TBC1D8B: variants seen among roughly 807,000 people sequenced by gnomAD.
TBC1D8B encodes TBC1 domain family member 8B.
A neutral mutation model predicts 82.9 loss-of-function variants in TBC1D8B; 75 were observed. The ratio of observed to expected loss-of-function variants is 0.90; its 90% confidence interval spans 0.75 to 1.10. TBC1D8B has a LOEUF of 1.10. Among genes scored for constraint, TBC1D8B ranks in the 50% least tolerant of loss-of-function variants. The probability of loss-of-function intolerance (pLI) is 0.00; values close to 1 mark genes in which losing one functional copy is unlikely to be tolerated. For missense variants in TBC1D8B, 794 were observed against 796.9 expected (o/e 1.00, Z 0.04); for synonymous variants, 276 against 276.8 (o/e 1.00, Z 0.03).
At chrX:106,803,210 G>A (rs1444502756) in intron 1 of TBC1D8B, among the ~76,000 whole-genome samples, 4 of 111,793 alleles carry the variant, frequency 3.6e-5, no homozygotes, top group Middle Eastern at 4.2e-3. Context: ...GGAGGAGCGC[G>A]GTTCTTTCTG....
chrX:106,814,490 G>A (rs1443377557), intron 1 of TBC1D8B: 9 of 106,512 alleles, frequency 8.4e-5, no homozygotes, highest in Non-Finnish European at 1.7e-4. Flanking sequence ...ATTGTGAATA[G>A]TGCCGCAATA....
intron 14 of TBC1D8B, among the ~76,000 whole-genome samples, chrX:106,863,007 C>G (rs1200062642): frequency 9.1e-6 from 1 of 109,460 alleles, no homozygotes; most frequent in African/African-American, 3.3e-5. Flanking sequence ...CCAAGGTGTT[C>G]CCAGTCCACT....
intron 10 of TBC1D8B, among the ~76,000 whole-genome samples, chrX:106,844,890 A>G (rs1174582828): frequency 9.0e-6 from 1 of 111,113 alleles, no homozygotes; most frequent in Non-Finnish European, 1.9e-5. Context: ...TTTTTTCATT[A>G]CTAAGTCAAT....
intron 7 of TBC1D8B, among the ~76,000 whole-genome samples, chrX:106,836,659 A>G (rs1443152219): frequency 9.1e-6 from 1 of 110,330 alleles, no homozygotes; most frequent in Non-Finnish European, 1.9e-5. Context: ...TGGGTAACTG[A>G]TATGTTTTAA....
chrX:106,828,999 A>T (rs1474990931), intron 7 of TBC1D8B: 1 of 107,737 alleles, frequency 9.3e-6, no homozygotes, highest in East Asian at 2.8e-4. Context: ...GAGGAAGTCA[A>T]ATTGTCCCTG....
At chrX:106,822,250 C>A (rs894929763) in intron 4 of TBC1D8B, 48 bp downstream of exon 4, 2 of 947,257 alleles carry the variant, frequency 2.1e-6, no homozygotes, top group East Asian at 3.1e-5. Context: ...GCTGTCTGAC[C>A]TACCAACTCT....
At position 106,854,192 on chromosome X, in the gene TBC1D8B, T is replaced by C. The variant is rs748662125; in HGVS notation, c.2254-6T>C. On this transcript the variant is annotated splice_region_variant and splice_polypyrimidine_tract_variant and intron_variant, in intron 13 of 20. Transcript: ENST00000357242. ...TGAGTAGCCACTGAAATCATATCTC[T>C]TGCAGAAATATGGTAATATTCGCTA... 10 of 1,134,721 alleles carry C rather than the reference T, an allele frequency of 8.8e-6. No homozygotes were observed. In the Admixed American group the frequency reaches 2.6e-4, roughly 29 times the overall value. The allele number at this position is 1,134,721 out of a possible 1,213,427, so 93.5% of individuals were successfully genotyped here. A position where few individuals can be genotyped will look rare whatever the true frequency, so the allele number is the denominator to read the frequency against.
At chrX:106,870,682 T>G (rs1274163790) in intron 19 of TBC1D8B, 34 bp from the exon 20 acceptor site, 1 of 979,092 alleles carries the variant, frequency 1.0e-6, no homozygotes, top group Non-Finnish European at 1.4e-6. Context: ...TAGTGGGCTG[T>G]TCCTTATGAA....
intron 7 of TBC1D8B, chrX:106,827,707 G>A (rs764328205): frequency 1.5e-5 from 2 of 130,482 alleles, no homozygotes; most frequent in South Asian, 2.7e-4. Flanking sequence ...CAAAGACATA[G>A]CAATTTTAAA....
intron 1 of TBC1D8B, among the ~76,000 whole-genome samples, chrX:106,810,347 G>A (rs1235647798): frequency 8.9e-6 from 1 of 111,841 alleles, no homozygotes; most frequent in Non-Finnish European, 1.9e-5. Flanking sequence ...AAAAGCAAAA[G>A]ATAACAGTTG....
At chrX:106,849,742 T>C in intron 11 of TBC1D8B, 1 of 852,391 alleles carries the variant, frequency 1.2e-6, no homozygotes. Flanking sequence ...TCCCTGAACA[T>C]GAGACTATTT....
At chrX:106,809,176 A>G (rs768202224) in intron 1 of TBC1D8B, among the ~76,000 whole-genome samples, 19 of 111,696 alleles carry the variant, frequency 1.7e-4, no homozygotes, top group Non-Finnish European at 3.0e-4. Context: ...TTCAACAGAT[A>G]TTTACCGAGT....
chrX:106,808,249 C>A (rs907814679), intron 1 of TBC1D8B, among the ~76,000 whole-genome samples: 1 of 111,372 alleles, frequency 9.0e-6, no homozygotes, highest in African/African-American at 3.3e-5. Context: ...GTTTCCTCAT[C>A]TGTAAAATGG....
intron 1 of TBC1D8B, among the ~76,000 whole-genome samples, chrX:106,807,421 T>G (rs978252914): frequency 9.2e-6 from 1 of 109,114 alleles, no homozygotes; most frequent in Non-Finnish European, 1.9e-5. Context: ...TAGGAGGTTT[T>G]GAGTAATGAA....
rs147370648 is a variant in TBC1D8B at position 106,853,565 on chromosome X, A to G, written c.2168A>G (p.Asn723Ser). The G allele has an allele frequency of 6.9e-3, 8,366 of 1,206,872 alleles. 33 individuals are homozygous for G. Among genetic ancestry groups the G allele is most frequent in the Non-Finnish European group, 8.3e-3 (7,382 of 892,546 alleles). ...VTNKDSPLPS[N>S]VQQGSNVSDE... ...AATAAGGATAGTCCATTGCCTTCAA[A>G]TGTTCAGCAAGGTTCAAATGTGAGT... Residue 723 changes from asparagine (N) to serine (S), a missense_variant, in exon 13 of 21, where the codon AAT (asparagine) becomes AGT (serine). Coordinates refer to ENST00000357242, the MANE Select transcript of TBC1D8B (RefSeq NM_017752.3).
chrX:106,827,508 G>A (rs1382417612), intron 7 of TBC1D8B, 171 bp downstream of exon 7: 2 of 454,183 alleles, frequency 4.4e-6, no homozygotes, highest in Non-Finnish European at 7.2e-6. Flanking sequence ...GCAGAAGTGA[G>A]AATTAAGGAC....
rs778899540 is a variant in TBC1D8B, at chrX:106,826,147, T to C, written c.945T>C (p.Asn315=). 9.9e-6 allele frequency: 12 copies of C among 1,208,931 alleles called. No homozygotes were observed. Among genetic ancestry groups the C allele is most frequent in the Non-Finnish European group, 1.1e-5 (10 of 894,609 alleles). Residue 315 remains asparagine, a synonymous_variant, in exon 6 of 21, where the codon AAT becomes AAC. Transcript: ENST00000357242. ...TATGGGTACCATTCAGCCACTTCAA[T>C]ACTCATGGGAAAATGTGCATCTCAG... ...CFLWVPFSHF[N]THGKMCISEN...
At chrX:106,872,748 G>A (rs1164899548) in intron 20 of TBC1D8B, among the ~76,000 whole-genome samples, 1 of 110,152 alleles carries the variant, frequency 9.1e-6, no homozygotes, top group Non-Finnish European at 1.9e-5. Context: ...TAGGAGAGGA[G>A]CACTTGAGGC....
chrX:106,849,881 A>G, intron 11 of TBC1D8B, 144 bp from the exon 12 acceptor site: 8 of 1,061,964 alleles, frequency 7.5e-6, no homozygotes, highest in Non-Finnish European at 9.7e-6. Flanking sequence ...AGTTAGATGT[A>G]TAAAATACAG....
Sources: allele counts gnomAD v4.1 joint callset (sites outside exome capture counted in the v4.1 genomes callset), GRCh38; gene constraint gnomAD v4.1.1; transcripts MANE v1.5; gene names NCBI Gene and HGNC (gene_info 2026-07-23, HGNC 2026-07-21).